Variants in AMZ2 observed in about 807,000 individuals in gnomAD.
AMZ2 encodes the protein archaelysin family metallopeptidase 2, also known as archaemetzincin-2.
Under a neutral mutation model 36.7 loss-of-function variants are expected in AMZ2, and 26 were observed. The observed-to-expected ratio is 0.71, with a 90% CI of 0.52 to 0.98. The LOEUF (loss-of-function observed/expected upper bound fraction) is 0.98, where lower values mean the gene tolerates loss of function less well. Among genes scored for constraint, AMZ2 ranks in the 50% least tolerant of loss-of-function variants. The probability of loss-of-function intolerance (pLI) is 0.00; values close to 1 mark genes in which losing one functional copy is unlikely to be tolerated. For synonymous variants in AMZ2, 144 were observed against 149.1 expected, an observed-to-expected ratio of 0.97 and a Z score of 0.25; for missense variants, 394 against 430.5, an observed-to-expected ratio of 0.92 and a Z score of 0.75.
intron 1 of AMZ2, among the ~76,000 whole-genome samples, chr17:68,221,209 T>TC (rs55937321): frequency 0.69 from 46,470 of 66,878 alleles, 15,973 homozygotes; most frequent in Middle Eastern, 0.8. Context: ...AGCCCTCAGC[T>TC]CCCCCCCCCG....
intron 5 of AMZ2, among the ~76,000 whole-genome samples, chr17:68,255,048 A>G (rs142210822): frequency 6.6e-6 from 1 of 152,288 alleles, no homozygotes; most frequent in African/African-American, 2.4e-5. Flanking sequence ...CTCCATAGCC[A>G]GAGAGATGGG....
intron 1 of AMZ2, among the ~76,000 whole-genome samples, chr17:68,230,654 C>T (rs2073636754): frequency 6.6e-6 from 1 of 152,206 alleles, no homozygotes; most frequent in Non-Finnish European, 1.5e-5. Context: ...TGGCTCACAC[C>T]TAGGAGTTGC....
chr17:68,209,632 A>ATATATATATGTATATTTATTT, intron 1 of AMZ2, among the ~76,000 whole-genome samples: 1 of 90,700 alleles, frequency 1.1e-5, no homozygotes, highest in Non-Finnish European at 2.0e-5. Flanking sequence ...ATATATATAT[A>ATATATATATGTATATTTATTT]TTTTTTTTTT....
chr17:68,246,071 C>T (rs2073995398), upstream of AMZ2, among the ~76,000 whole-genome samples: 1 of 151,540 alleles, frequency 6.6e-6, no homozygotes, highest in African/African-American at 2.4e-5. Context: ...TTTGGGAGGC[C>T]GAAGTAGGTG....
At chr17:68,228,542 G>A (rs1357986869) in intron 1 of AMZ2, among the ~76,000 whole-genome samples, 9 of 152,268 alleles carry the variant, frequency 5.9e-5, no homozygotes, top group South Asian at 2.1e-4. Flanking sequence ...GGGAGGCTGC[G>A]GAAGCCTCGT....
upstream of AMZ2, chr17:68,247,843 G>A (rs1352461227): frequency 1.2e-5 from 12 of 985,400 alleles, no homozygotes; most frequent in Non-Finnish European, 1.4e-5. Flanking sequence ...GCTGGGGCTT[G>A]TAGTCCCCTC....
intron 1 of AMZ2, among the ~76,000 whole-genome samples, chr17:68,238,944 C>T (rs189188454): frequency 5.3e-5 from 8 of 152,288 alleles, no homozygotes; most frequent in Middle Eastern, 3.4e-3. Flanking sequence ...AAAGGTGAAT[C>T]GAGCCTCAGT....
intron 1 of AMZ2, among the ~76,000 whole-genome samples, chr17:68,223,559 GA>G (rs1384962553): frequency 2.0e-5 from 3 of 151,790 alleles, no homozygotes; most frequent in African/African-American, 2.4e-5. Flanking sequence ...TCTTTTTTGA[GA>G]TGGAGTTTCT....
intron 1 of AMZ2, among the ~76,000 whole-genome samples, chr17:68,208,936 C>A (rs1341414547): frequency 2.6e-5 from 4 of 152,168 alleles, no homozygotes; most frequent in African/African-American, 9.7e-5. Context: ...AAACTCCGGA[C>A]ACGCCGCCTT....
intron 1 of AMZ2, among the ~76,000 whole-genome samples, chr17:68,232,145 T>TA (rs2073681063): frequency 8.4e-6 from 1 of 119,382 alleles, no homozygotes; most frequent in Non-Finnish European, 1.8e-5. Context: ...AAAAAAAAGG[T>TA]ATATTTACAA....
intron 1 of AMZ2, chr17:68,249,141 G>T: frequency 8.6e-7 from 1 of 1,161,666 alleles, no homozygotes; most frequent in South Asian, 4.3e-5. Context: ...TCCCTAATGT[G>T]ACATGACTTT....
At chr17:68,207,015 G>C (rs1485536549) in intron 1 of AMZ2, 3 of 152,214 alleles carry the variant, frequency 2.0e-5, no homozygotes, top group Non-Finnish European at 4.4e-5. Context: ...GCAGGAACGC[G>C]CATCTTAGCT....
At chr17:68,230,215 G>A (rs1243386947) in intron 1 of AMZ2, among the ~76,000 whole-genome samples, 1 of 152,152 alleles carries the variant, frequency 6.6e-6, no homozygotes, top group Non-Finnish European at 1.5e-5. Context: ...TGGGATTACA[G>A]GTGCCCACCA....
chr17:68,222,851 T>C (rs2073404144), intron 1 of AMZ2, among the ~76,000 whole-genome samples: 1 of 152,182 alleles, frequency 6.6e-6, no homozygotes, highest in Non-Finnish European at 1.5e-5. Flanking sequence ...CCTCCTGCTG[T>C]GTGGCCCAGT....
At chr17:68,246,561 C>T (rs1458202798), upstream of AMZ2, 1 of 152,194 alleles carries the variant, frequency 6.6e-6, no homozygotes, top group African/African-American at 2.4e-5. Context: ...AAGCCCACGA[C>T]TTCTCAAGCA....
chr17:68,219,926 C>T (rs554152427), intron 1 of AMZ2, among the ~76,000 whole-genome samples: 1 of 152,318 alleles, frequency 6.6e-6, no homozygotes, highest in Admixed American at 6.5e-5. Context: ...ACAGATGCTC[C>T]TGTTAAGCTC....
intron 1 of AMZ2, among the ~76,000 whole-genome samples, chr17:68,210,608 A>G (rs1276652235): frequency 6.6e-6 from 1 of 152,194 alleles, no homozygotes; most frequent in East Asian, 1.9e-4. Context: ...GATTGGTTGT[A>G]CAACAATGTG....
At chr17:68,211,790 GTA>G (rs1555726061) in intron 1 of AMZ2, among the ~76,000 whole-genome samples, 3 of 68,760 alleles carry the variant, frequency 4.4e-5, no homozygotes, top group African/African-American at 2.6e-4. Flanking sequence ...ATATGTATAT[GTA>G]TATATGTGTA....
Position 68,227,409 on chromosome 17 carries a change from C to G in AMZ2, c.-67+21171C>G, listed in dbSNP as rs149994082. On this transcript the variant is annotated intron_variant, in intron 1 of 7. Transcript: ENST00000674770. Reference sequence around the variant, plus strand: ...TGTGGGATGGCCAGTGTATGCACTTCCAGTGACTGCTGGCATTACCACAAA... The same window carrying G: ...TGTGGGATGGCCAGTGTATGCACTTGCAGTGACTGCTGGCATTACCACAAA... Among the ~76,000 whole-genome samples, 31 of 152,326 alleles carry G rather than the reference C, an allele frequency of 2.0e-4. No homozygotes were observed. In the East Asian group the frequency reaches 5.8e-3, roughly 28 times the overall value.
Sources: gnomAD v4.1 joint callset for allele counts (sites outside exome capture counted in the v4.1 genomes callset) on GRCh38, gnomAD v4.1.1 for gene constraint, MANE v1.5 for transcripts, NCBI Gene and HGNC (gene_info 2026-07-23, HGNC 2026-07-21) for gene names.